Variants in FGD4 observed in about 807,000 individuals in gnomAD.
FGD4 encodes the protein FYVE, RhoGEF and PH domain containing 4.
FGD4 carries 42 observed loss-of-function variants against 102.0 expected under a neutral mutation model. The observed-to-expected ratio is 0.41, with a 90% CI of 0.32 to 0.53. FGD4 has a LOEUF of 0.53. Among genes scored for constraint, FGD4 ranks in the 20% least tolerant of loss-of-function variants. The pLI is 0.21. For synonymous variants in FGD4, 380 were observed against 375.7 expected, an observed-to-expected ratio of 1.01 and a Z score of -0.13; for missense variants, 902 against 1,078.2, an observed-to-expected ratio of 0.84 and a Z score of 2.29.
intron 1 of FGD4, among the ~76,000 whole-genome samples, chr12:32,499,424 C>T (rs997477260): frequency 6.6e-6 from 1 of 152,146 alleles, no homozygotes; most frequent in Non-Finnish European, 1.5e-5. Context: ...TCCTTACTCA[C>T]CTTTCATAGA....
intron 1 of FGD4, among the ~76,000 whole-genome samples, chr12:32,409,565 G>C (rs1008178577): frequency 2.0e-5 from 3 of 148,812 alleles, no homozygotes; most frequent in Non-Finnish European, 3.0e-5. Context: ...GGGATTACAG[G>C]TGTAAGCCAC....
chr12:32,464,208 A>C (rs1943189466), intron 1 of FGD4, among the ~76,000 whole-genome samples: 1 of 152,148 alleles, frequency 6.6e-6, no homozygotes, highest in Non-Finnish European at 1.5e-5. Context: ...GCTAGTGTGC[A>C]CTGGTGCAAT....
intron 4 of FGD4, among the ~76,000 whole-genome samples, chr12:32,588,624 A>G (rs7971634): frequency 0.29 from 43,948 of 152,086 alleles, 6,671 homozygotes; most frequent in Middle Eastern, 0.49. Flanking sequence ...CTGTTGTGGC[A>G]ACAGTGACCA....
At chr12:32,433,036 G>A (rs1217572231) in intron 1 of FGD4, among the ~76,000 whole-genome samples, 1 of 150,796 alleles carries the variant, frequency 6.6e-6, no homozygotes, top group Non-Finnish European at 1.5e-5. Context: ...TCACTCTGTC[G>A]CCCAGGCTGG....
intron 1 of FGD4, among the ~76,000 whole-genome samples, chr12:32,453,667 C>T (rs926977180): frequency 6.6e-6 from 1 of 152,124 alleles, no homozygotes; most frequent in African/African-American, 2.4e-5. Flanking sequence ...TTAGAAGAAG[C>T]CTAACTTGGG....
intron 5 of FGD4, chr12:32,600,592 C>CTTTTTTT (rs1181093585): frequency 2.0e-5 from 4 of 200,886 alleles, no homozygotes; most frequent in Admixed American, 8.4e-5. Flanking sequence ...TTCTTTCTTT[C>CTTTTTTT]TTTTTTTTTT....
At chr12:32,576,511 G>T in intron 3 of FGD4, 62 bp downstream of exon 3, 1 of 1,519,928 alleles carries the variant, frequency 6.6e-7, no homozygotes, top group South Asian at 1.1e-5. Flanking sequence ...TCGAAAAAAT[G>T]ATAGTCATAG....
intron 1 of FGD4, among the ~76,000 whole-genome samples, chr12:32,543,515 C>T (rs542283462): frequency 2.6e-4 from 40 of 152,260 alleles, no homozygotes; most frequent in Non-Finnish European, 4.4e-4. Flanking sequence ...TAGGGTTACG[C>T]CAAGAGTCAT....
intron 1 of FGD4, among the ~76,000 whole-genome samples, chr12:32,411,465 C>T (rs1941204511): frequency 6.6e-6 from 1 of 151,624 alleles, no homozygotes; most frequent in Admixed American, 6.6e-5. Flanking sequence ...ACCCGAGAGG[C>T]AGAGGTTGCG....
At chr12:32,577,065 T>C (rs1461841615) in intron 3 of FGD4, among the ~76,000 whole-genome samples, 1 of 152,196 alleles carries the variant, frequency 6.6e-6, no homozygotes, top group East Asian at 1.9e-4. Flanking sequence ...TTATATTCTT[T>C]AGTCCCAATG....
chr12:32,588,843 G>T (rs757573693), intron 4 of FGD4, among the ~76,000 whole-genome samples: 10 of 152,228 alleles, frequency 6.6e-5, no homozygotes, highest in Non-Finnish European at 1.3e-4. Flanking sequence ...CAGGTGCTTA[G>T]AGGTCACAGC....
chr12:32,410,815 C>T (rs960824560), intron 1 of FGD4, among the ~76,000 whole-genome samples: 1 of 152,104 alleles, frequency 6.6e-6, no homozygotes, highest in Non-Finnish European at 1.5e-5. Context: ...AATGTCCACC[C>T]TGCTCTGCAA....
intron 1 of FGD4, among the ~76,000 whole-genome samples, chr12:32,449,242 T>A (rs904701658): frequency 2.0e-5 from 3 of 152,214 alleles, no homozygotes; most frequent in African/African-American, 7.2e-5. Flanking sequence ...AGCTGTAATA[T>A]AGCTATCAAA....
chr12:32,588,004 A>G (rs1253396779), intron 4 of FGD4, among the ~76,000 whole-genome samples: 1 of 152,224 alleles, frequency 6.6e-6, no homozygotes, highest in Non-Finnish European at 1.5e-5. Context: ...TTGAGCCATG[A>G]AGCACAAACA....
intron 1 of FGD4, among the ~76,000 whole-genome samples, chr12:32,562,565 C>T (rs1052936735): frequency 3.3e-5 from 5 of 152,116 alleles, no homozygotes; most frequent in Non-Finnish European, 2.9e-5. Flanking sequence ...TGCGGCCTTC[C>T]GCAGTGTTTG....
intron 1 of FGD4, among the ~76,000 whole-genome samples, chr12:32,455,157 C>T (rs1942915641): frequency 6.6e-6 from 1 of 152,162 alleles, no homozygotes; most frequent in Non-Finnish European, 1.5e-5. Context: ...GTTTATTCAT[C>T]TCAGTATTTT....
Position 32,640,872 on chromosome 12 carries a change from TCTC to T in FGD4, c.*340_*342del. The T allele has an allele frequency of 1.9e-6, 1 of 536,016 alleles. No individual in the cohort carries two copies. Among genetic ancestry groups the T allele is most frequent in the East Asian group, 3.2e-5 (1 of 30,842 alleles). The allele number at this position is 536,016 out of a possible 1,614,324, so 33.2% of individuals were successfully genotyped here. A position where few individuals can be genotyped will look rare whatever the true frequency, so the allele number is the denominator to read the frequency against. On this transcript the variant is annotated 3_prime_UTR_variant, in exon 17 of 17. Transcript: ENST00000534526. ...TTTAAGAAATCCTTTCATGTCTTCTTCTCTTTCACATGTAGGACCTGGAACAGT... is the reference window on the plus strand; with the variant it reads ...TTTAAGAAATCCTTTCATGTCTTCTTTTTCACATGTAGGACCTGGAACAGT...
rs886049263 is a variant in FGD4 at position 32,642,237 on chromosome 12, C to G, written c.*1704C>G. Reference sequence around the variant, plus strand: ...AGAGATAAAAGTAGCTTCTTAGGCCCTATTAAATCAGGGAAAGACTAGAAG... The same window carrying G: ...AGAGATAAAAGTAGCTTCTTAGGCCGTATTAAATCAGGGAAAGACTAGAAG... On this transcript the variant is annotated 3_prime_UTR_variant, in exon 17 of 17. Coordinates refer to ENST00000534526, the MANE Select transcript of FGD4 (RefSeq NM_001370298.3). The G allele has an allele frequency of 3.3e-4, 50 of 152,084 alleles. No homozygotes were observed. Among genetic ancestry groups the G allele is most frequent in the African/African-American group, 5.1e-4 (21 of 41,432 alleles). The allele number at this position is 152,084 out of a possible 1,614,324, so 9.4% of individuals were successfully genotyped here.
rs1157108520 is a variant in FGD4, at chr12:32,481,127, CA to C, written c.166+81198del. On this transcript the variant is annotated intron_variant, in intron 1 of 16. Transcript: ENST00000534526. ...TGGGTGACAGAGTGAGACTCCGTCT[CA>C]AAAAAAAAAAAAAAAAAAAAAAAAA... Among the ~76,000 whole-genome samples the C allele has an allele frequency of 6.0e-3, 165 of 27,322 alleles. No homozygotes were observed. In the Middle Eastern group the frequency reaches 0.14, roughly 23 times the overall value. 17.9% of individuals were successfully genotyped at this position (27,322 alleles called of 152,430 possible). A position where few individuals can be genotyped will look rare whatever the true frequency, so the allele number is the denominator to read the frequency against.
Sources: allele counts gnomAD v4.1 joint callset (sites outside exome capture counted in the v4.1 genomes callset), GRCh38; gene constraint gnomAD v4.1.1; transcripts MANE v1.5; gene names NCBI Gene and HGNC (gene_info 2026-07-23, HGNC 2026-07-21).